Variants in ADGRL2 observed in about 807,000 individuals in gnomAD.
The protein encoded by ADGRL2 is adhesion G protein-coupled receptor L2.
In ADGRL2, 44 loss-of-function variants were observed where a neutral mutation model predicts 157.4. That is an observed-to-expected ratio of 0.28 (90% CI 0.22 to 0.36). ADGRL2 has a LOEUF of 0.36. Among genes scored for constraint, ADGRL2 ranks in the 10% least tolerant of loss-of-function variants. ADGRL2 has a pLI of 1.00. For missense variants in ADGRL2, 1,510 were observed against 1,768.9 expected (o/e 0.85, Z 2.63); for synonymous variants, 585 against 624.7 (o/e 0.94, Z 0.95).
intron 3 of ADGRL2, among the ~76,000 whole-genome samples, chr1:81,656,464 G>A (rs2082535451): frequency 6.6e-6 from 1 of 152,144 alleles, no homozygotes; most frequent in African/African-American, 2.4e-5. Flanking sequence ...CTAGCTCTGT[G>A]ATCTGGGAAG....
intron 1 of ADGRL2, among the ~76,000 whole-genome samples, chr1:81,731,948 T>C (rs2084740131): frequency 6.6e-6 from 1 of 152,222 alleles, no homozygotes; most frequent in Admixed American, 6.5e-5. Flanking sequence ...ACTTGACCCA[T>C]TATGCTATCC....
In ADGRL2 at chr1:81,505,740, CAAAAA is replaced by C. The variant is rs59062091; in HGVS notation, c.-248+60670_-248+60674del. Among the ~76,000 whole-genome samples the C allele has an allele frequency of 4.5e-3, 379 of 85,082 alleles. 1 individual carries two copies. The highest frequency in any genetic ancestry group is 9.5e-3 in the Admixed American group (72 of 7,564). The allele number at this position is 85,082 out of a possible 152,430, so 55.8% of individuals were successfully genotyped here. On this transcript the variant is annotated intron_variant, in intron 2 of 24. Transcript: ENST00000370721. ...AATAAATACCTCAGATGTCCTCCTG[CAAAAA>C]AAAAAAAAAAAAAAAAAATAGGAGG...
At chr1:81,955,558 T>G (rs1250801991) in intron 10 of ADGRL2, among the ~76,000 whole-genome samples, 1 of 152,154 alleles carries the variant, frequency 6.6e-6, no homozygotes, top group African/African-American at 2.4e-5. Flanking sequence ...AAGAGTAATG[T>G]CTCAGATTAA....
chr1:81,827,015 G>T (rs1364351187), intron 1 of ADGRL2, among the ~76,000 whole-genome samples: 1 of 143,828 alleles, frequency 7.0e-6, no homozygotes, highest in Non-Finnish European at 1.5e-5. Context: ...AGGAACAGTA[G>T]ACTTATGAAA....
intron 1 of ADGRL2, among the ~76,000 whole-genome samples, chr1:81,732,225 C>T (rs529419846): frequency 6.6e-6 from 1 of 152,268 alleles, no homozygotes; most frequent in East Asian, 1.9e-4. Flanking sequence ...GTGAGATCCA[C>T]CCCTAGTGCA....
chr1:81,841,454 T>A (rs1022492104), intron 2 of ADGRL2, among the ~76,000 whole-genome samples: 1 of 152,172 alleles, frequency 6.6e-6, no homozygotes, highest in African/African-American at 2.4e-5. Flanking sequence ...GGGTTAAATA[T>A]GAAATAGTGA....
intron 2 of ADGRL2, among the ~76,000 whole-genome samples, chr1:81,562,950 T>G (rs1414895145): frequency 1.3e-5 from 2 of 152,194 alleles, no homozygotes; most frequent in African/African-American, 4.8e-5. Flanking sequence ...CATTCAACAA[T>G]ATGTCTGTAT....
chr1:81,633,207 T>C (rs1227702136), intron 3 of ADGRL2, among the ~76,000 whole-genome samples: 2 of 152,152 alleles, frequency 1.3e-5, no homozygotes, highest in African/African-American at 2.4e-5. Flanking sequence ...TATGAGTGAA[T>C]GGATAAGGTA....
chr1:81,950,350 A>C lies in ADGRL2; in HGVS notation c.1372A>C (p.Lys458Gln). 6.2e-7 allele frequency: 1 copy of C among 1,614,112 alleles called. No individual in the cohort carries two copies. The highest frequency in any genetic ancestry group is 8.5e-7 in the Non-Finnish European group (1 of 1,179,970). ...TKPPPAVSTT[K>Q]IPPITNIFPL... ...ACCACCTCCAGCAGTTTCTACAACC[A>C]AAATTCCACCTATAACAAATATTTT... The change falls in exon 7 of 24, where the codon AAA becomes CAA. Residue 458 changes from lysine (K) to glutamine (Q), a missense_variant. Lys to Gln is a moderately conservative substitution (Grantham distance 53). Around this residue, in one of 4 missense-constraint regions of ADGRL2, gnomAD observed 325 missense variants for 333.2 expected, o/e 0.98. Transcript: ENST00000686636.
At chr1:81,614,486 A>T (rs181863276) in intron 3 of ADGRL2, among the ~76,000 whole-genome samples, 3 of 152,148 alleles carry the variant, frequency 2.0e-5, no homozygotes, top group Non-Finnish European at 4.4e-5. Context: ...TCTTTATTGC[A>T]TAGAAAGTAG....
chr1:81,359,214 T>C (rs1490313978), intron 1 of ADGRL2, among the ~76,000 whole-genome samples: 1 of 152,056 alleles, frequency 6.6e-6, no homozygotes, highest in Admixed American at 6.5e-5. Flanking sequence ...GAGCAGGCCT[T>C]AAAAATGACT....
intron 3 of ADGRL2, among the ~76,000 whole-genome samples, chr1:81,581,872 GCGCACACACACACACACA>G (rs772603165): frequency 1.2e-5 from 1 of 85,286 alleles, no homozygotes; most frequent in Non-Finnish European, 2.5e-5. Flanking sequence ...ACACACATGC[GCGCACACACACACACACA>G]CACACACACA....
chr1:81,679,099 C>T (rs899177698), intron 3 of ADGRL2, among the ~76,000 whole-genome samples: 1 of 152,108 alleles, frequency 6.6e-6, no homozygotes, highest in Non-Finnish European at 1.5e-5. Context: ...GTAGGTGGAC[C>T]TCGAAATTGT....
At chr1:81,552,412 T>C (rs1051965480) in intron 2 of ADGRL2, among the ~76,000 whole-genome samples, 1 of 152,068 alleles carries the variant, frequency 6.6e-6, no homozygotes, top group African/African-American at 2.4e-5. Context: ...TAAAGGTTTC[T>C]GGAATGTGGT....
At chr1:81,529,520 T>C (rs1320752434) in intron 2 of ADGRL2, among the ~76,000 whole-genome samples, 1 of 152,264 alleles carries the variant, frequency 6.6e-6, no homozygotes, top group African/African-American at 2.4e-5. Context: ...TGAATGCTTA[T>C]CTTTTGTCCA....
intron 2 of ADGRL2, chr1:81,501,667 C>A: frequency 6.7e-7 from 1 of 1,492,258 alleles, no homozygotes; most frequent in Non-Finnish European, 9.1e-7. Flanking sequence ...CCTCCGCCAC[C>A]CGAAAACCCG....
At chr1:81,820,608 A>G (rs2090889345) in intron 1 of ADGRL2, among the ~76,000 whole-genome samples, 1 of 151,596 alleles carries the variant, frequency 6.6e-6, no homozygotes, top group Non-Finnish European at 1.5e-5. Flanking sequence ...TATTTTTTAA[A>G]TTAGAGAATT....
Position 81,888,551 on chromosome 1 carries a change from G to T in ADGRL2, c.74-18466G>T, listed in dbSNP as rs377502614. Among the ~76,000 whole-genome samples, 72 of 152,166 alleles carry T rather than the reference G, an allele frequency of 4.7e-4. No individual in the cohort carries two copies. The East Asian group carries it at 0.013, about 28-fold the overall frequency. On this transcript the variant is annotated intron_variant, in intron 2 of 23. Coordinates refer to ENST00000686636, the MANE Select transcript of ADGRL2 (RefSeq NM_001366006.2). ...CCTCCTGGGTTCACGCCATTCTCCC[G>T]CCTCAGCCTCCCGAGTAGCTAGGAC...
Position 81,378,284 on chromosome 1 carries a change from C to T in ADGRL2, c.-301-66752C>T, listed in dbSNP as rs1304162456. On this transcript the variant is annotated intron_variant, in intron 1 of 24. Transcript: ENST00000370721. ...TGTCCAAGTTCACCAGGCGTGGTAG[C>T]TCGTGCCTGTAATCCCAGATACTCG... Among the ~76,000 whole-genome samples, 6 of 152,128 alleles carry T rather than the reference C, an allele frequency of 3.9e-5. No homozygotes were observed. The East Asian group carries it at 7.7e-4, about 20-fold the overall frequency.
Sources: gnomAD v4.1 joint callset for allele counts (sites outside exome capture counted in the v4.1 genomes callset) on GRCh38, gnomAD v4.1.1 for gene constraint, gnomAD v4.1.1 regional missense constraint, MANE v1.5 for transcripts, NCBI Gene and HGNC (gene_info 2026-07-23, HGNC 2026-07-21) for gene names.